Variants in NCF2 observed in about 807,000 individuals in gnomAD.
NCF2 encodes neutrophil cytosolic factor 2.
In NCF2, 45 loss-of-function variants were observed where a neutral mutation model predicts 70.9. The ratio of observed to expected loss-of-function variants is 0.63; its 90% CI spans 0.50 to 0.81. The LOEUF (loss-of-function observed/expected upper bound fraction) is 0.81, where lower values mean the gene tolerates loss of function less well. Ranked by LOEUF, NCF2 falls within the 40% of genes least tolerant of loss-of-function variation. The probability of loss-of-function intolerance (pLI) is 0.00; values close to 1 mark genes in which losing one functional copy is unlikely to be tolerated. For missense variants in NCF2, 522 were observed against 631.6 expected, an observed-to-expected ratio of 0.83 and a Z score of 1.86; for synonymous variants, 203 against 233.6, an observed-to-expected ratio of 0.87 and a Z score of 1.19.
chr1:183,560,311 C>T, intron 13 of NCF2, 38 bp from the exon 14 acceptor site: 1 of 1,609,564 alleles, frequency 6.2e-7, no homozygotes, highest in South Asian at 1.1e-5. Context: ...TCCCAATTTC[C>T]TGCCAAGTGA....
intron 4 of NCF2, 35 bp downstream of exon 4, chr1:183,574,452 C>T (rs1672705787): frequency 1.9e-6 from 3 of 1,614,008 alleles, no homozygotes; most frequent in Non-Finnish European, 2.5e-6. Flanking sequence ...AATCCAGTGA[C>T]ATCCTCTCAA....
At chr1:183,573,680 CAT>C (rs1672671958) in intron 4 of NCF2, among the ~76,000 whole-genome samples, 1 of 152,190 alleles carries the variant, frequency 6.6e-6, no homozygotes, top group African/African-American at 2.4e-5. Flanking sequence ...TGAGGATAGA[CAT>C]ATAAAGACTG....
upstream of NCF2, among the ~76,000 whole-genome samples, chr1:183,594,731 C>T (rs1041569902): frequency 1.3e-5 from 2 of 152,212 alleles, no homozygotes; most frequent in Admixed American, 6.5e-5. Flanking sequence ...TTGGTTAACA[C>T]TACAAACTAC....
chr1:183,581,215 A>T (rs1422523029), intron 2 of NCF2, among the ~76,000 whole-genome samples: 4 of 147,990 alleles, frequency 2.7e-5, no homozygotes, highest in African/African-American at 1.0e-4. Flanking sequence ...CCAGGAAGTC[A>T]AGACTGCAGT....
intron 14 of NCF2, among the ~76,000 whole-genome samples, chr1:183,556,857 C>G (rs1168432329): frequency 6.6e-6 from 1 of 152,094 alleles, no homozygotes; most frequent in Admixed American, 6.6e-5. Flanking sequence ...GAGAATTTTA[C>G]CTGCGCTTTG....
At chr1:183,572,154 T>C (rs2102901197) in intron 5 of NCF2, among the ~76,000 whole-genome samples, 1 of 152,324 alleles carries the variant, frequency 6.6e-6, no homozygotes, top group South Asian at 2.1e-4. Flanking sequence ...CTTCAGACCA[T>C]GTCTGAAAGA....
intron 3 of NCF2, among the ~76,000 whole-genome samples, chr1:183,576,537 C>T (rs1672807805): frequency 6.6e-6 from 1 of 152,202 alleles, no homozygotes; most frequent in African/African-American, 2.4e-5. Flanking sequence ...GGACGCACCA[C>T]AACCCCTCTC....
the NCF2 span, among the ~76,000 whole-genome samples, chr1:183,597,493 C>T: frequency 6.6e-6 from 1 of 152,160 alleles, no homozygotes; most frequent in Non-Finnish European, 1.5e-5. Flanking sequence ...TCAGGAGGTA[C>T]ATGTGTAGGT....
At chr1:183,560,502 T>G (rs1157310772) in intron 13 of NCF2, among the ~76,000 whole-genome samples, 2 of 152,162 alleles carry the variant, frequency 1.3e-5, no homozygotes, top group Non-Finnish European at 2.9e-5. Context: ...AAGACAGTTT[T>G]TAGATGAATG....
intron 7 of NCF2, 65 bp downstream of exon 7, chr1:183,569,077 C>T (rs1337636529): frequency 6.7e-7 from 1 of 1,498,300 alleles, no homozygotes; most frequent in Non-Finnish European, 9.3e-7. Flanking sequence ...TCTTCCCTCC[C>T]TTTCTTGCCA....
intron 7 of NCF2, chr1:183,567,604 C>T (rs1194519138): frequency 1.6e-5 from 9 of 569,110 alleles, no homozygotes; most frequent in Admixed American, 2.6e-5. Flanking sequence ...TGAGGACTTA[C>T]AATCCTTGCC....
In NCF2 at chr1:183,560,095, C is replaced by G; in HGVS notation, c.1468+1G>C. 3 of 1,613,990 alleles carry G rather than the reference C, an allele frequency of 1.9e-6. No individual in the cohort carries two copies. The highest frequency in any genetic ancestry group is 2.5e-6 in the Non-Finnish European group (3 of 1,179,898). On this transcript the variant is annotated splice_donor_variant, in intron 14 of 14. Transcript: ENST00000367535. LOFTEE classifies it high-confidence loss of function. Reference sequence around the variant, plus strand: ...TTCTATAGTCTTGGAGTAGCACTTACCCTTTGATAACACCAGGATTATATC... The same window carrying G: ...TTCTATAGTCTTGGAGTAGCACTTAGCCTTTGATAACACCAGGATTATATC...
At chr1:183,585,620 G>A (rs1215142973) in intron 2 of NCF2, among the ~76,000 whole-genome samples, 6 of 44,888 alleles carry the variant, frequency 1.3e-4, no homozygotes, top group East Asian at 2.8e-4. Flanking sequence ...GCGAAACTCC[G>A]TCTCAAAAAA....
chr1:183,562,352 A>C (rs1672098648), intron 13 of NCF2, among the ~76,000 whole-genome samples: 1 of 152,170 alleles, frequency 6.6e-6, no homozygotes, highest in Non-Finnish European at 1.5e-5. Context: ...TGGAAAACCT[A>C]GAGTGACTTT....
intron 3 of NCF2, among the ~76,000 whole-genome samples, chr1:183,576,845 A>G (rs1211520538): frequency 6.6e-6 from 1 of 152,190 alleles, no homozygotes; most frequent in Non-Finnish European, 1.5e-5. Flanking sequence ...TGATTTTTCT[A>G]AAGAAAGGTC....
chr1:183,599,616 A>C, the NCF2 span, among the ~76,000 whole-genome samples: 3 of 149,626 alleles, frequency 2.0e-5, no homozygotes, highest in Non-Finnish European at 4.4e-5. Context: ...CAGTGGCACT[A>C]TCTCTGCTCA....
intron 4 of NCF2, 138 bp downstream of exon 4, chr1:183,574,349 A>G (rs956715001): frequency 1.1e-5 from 14 of 1,299,726 alleles, no homozygotes; most frequent in Non-Finnish European, 1.4e-5. Context: ...CTTAAGTGGA[A>G]CTATACCCTA....
rs773175637 is a variant in NCF2 at position 183,590,269 on chromosome 1, C to A, written c.61G>T (p.Asp21Tyr). 1.2e-6 allele frequency: 2 copies of A among 1,614,144 alleles called. No individual in the cohort carries two copies. Among genetic ancestry groups the A allele is most frequent in the Non-Finnish European group, 1.7e-6 (2 of 1,180,022 alleles). Residue 21 changes from aspartate to tyrosine, a missense_variant, in exon 1 of 15, where the codon GAC becomes TAC. By Grantham distance (160) the Asp-to-Tyr change is radical. Coordinates refer to ENST00000367535, the MANE Select transcript of NCF2 (RefSeq NM_000433.4). ...NEGVLAADKK[D>Y]WKGALDAFSA... Reference sequence around the variant, plus strand: ...AAGGCATCCAGGGCTCCCTTCCAGTCCTTCTTGTCCGCTGCCAGCACCCCT... The same window carrying A: ...AAGGCATCCAGGGCTCCCTTCCAGTACTTCTTGTCCGCTGCCAGCACCCCT...
chr1:183,599,075 A>G, the NCF2 span, among the ~76,000 whole-genome samples: 4 of 152,254 alleles, frequency 2.6e-5, no homozygotes, highest in African/African-American at 4.8e-5. Context: ...TTTACTCAAA[A>G]TAAGTCAGGT....
Sources: gnomAD v4.1 joint callset for allele counts (sites outside exome capture counted in the v4.1 genomes callset) on GRCh38, gnomAD v4.1.1 for gene constraint, MANE v1.5 for transcripts, NCBI Gene and HGNC (gene_info 2026-07-23, HGNC 2026-07-21) for gene names.